Variants in SOX6 observed in about 807,000 individuals in gnomAD.
The protein encoded by SOX6 is transcription factor SOX-6.
SOX6 carries 11 observed loss-of-function variants against 97.8 expected under a neutral mutation model. That is an observed-to-expected ratio of 0.11 (90% CI 0.07 to 0.19). SOX6 has a LOEUF of 0.19. Among genes scored for constraint, SOX6 ranks in the 10% least tolerant of loss-of-function variants. SOX6 has a pLI of 1.00. For missense variants in SOX6, 810 were observed against 1,039.5 expected (o/e 0.78, Z 3.04); for synonymous variants, 360 against 371.4 (o/e 0.97, Z 0.35).
chr11:16,713,935 C>G (rs1848198918), intron 3 of SOX6, among the ~76,000 whole-genome samples: 1 of 152,186 alleles, frequency 6.6e-6, no homozygotes, highest in South Asian at 2.1e-4. Flanking sequence ...ACATGGTGTC[C>G]ATACTCACGA....
intron 4 of SOX6, among the ~76,000 whole-genome samples, chr11:16,204,274 A>T (rs1852013363): frequency 6.6e-6 from 1 of 152,146 alleles, no homozygotes; most frequent in African/African-American, 2.4e-5. Context: ...TTCTAGGCTA[A>T]TATCTGAGAA....
Position 16,186,912 on chromosome 11 carries a change from G to A in SOX6, c.579C>T (p.Thr193=), listed in dbSNP as rs1851495070. 6.2e-7 allele frequency: 1 copy of A among 1,613,844 alleles called. No homozygotes were observed. Among genetic ancestry groups the A allele is most frequent in the Admixed American group, 1.7e-5 (1 of 59,990 alleles). Residue 193 remains threonine, a synonymous_variant, in exon 5 of 16, where the codon ACC becomes ACT. Coordinates refer to ENST00000683767, the MANE Select transcript of SOX6 (RefSeq NM_001367873.1). The part of the protein sequence containing the change: ...SLAEKERQLS[T]MITQLISLRE... Reference sequence around the variant, plus strand: ...GTAAACTGATCAGCTGGGTAATCATGGTGGAGAGCTGCCGTTCTTTTTCTG... The same window carrying A: ...GTAAACTGATCAGCTGGGTAATCATAGTGGAGAGCTGCCGTTCTTTTTCTG...
At chr11:16,678,083 A>G (rs1847898077) in intron 3 of SOX6, among the ~76,000 whole-genome samples, 1 of 152,132 alleles carries the variant, frequency 6.6e-6, no homozygotes, top group East Asian at 1.9e-4. Context: ...AACATTATCA[A>G]TATCAAAGAA....
intron 1 of SOX6, among the ~76,000 whole-genome samples, chr11:16,426,314 A>G (rs919414519): frequency 1.0e-4 from 15 of 149,540 alleles, no homozygotes; most frequent in African/African-American, 3.5e-4. Context: ...TTTAAAATTC[A>G]TATGGAATAA....
intron 3 of SOX6, among the ~76,000 whole-genome samples, chr11:16,265,371 G>C (rs975841610): frequency 2.0e-5 from 3 of 151,792 alleles, no homozygotes; most frequent in Non-Finnish European, 4.4e-5. Flanking sequence ...AGCCTCAGTT[G>C]TGGGGTAAAA....
chr11:16,559,536 C>T (rs376851458), intron 4 of SOX6, among the ~76,000 whole-genome samples: 64 of 151,342 alleles, frequency 4.2e-4, no homozygotes, highest in African/African-American at 1.4e-3. Context: ...TCTTTGGTGC[C>T]AACAAGATAG....
intron 4 of SOX6, among the ~76,000 whole-genome samples, chr11:16,598,969 C>T (rs994897030): frequency 9.9e-5 from 15 of 151,788 alleles, no homozygotes; most frequent in African/African-American, 2.7e-4. Context: ...AAGAGAGAAC[C>T]GAGAGAACAT....
intron 3 of SOX6, among the ~76,000 whole-genome samples, chr11:16,289,256 A>T (rs1180504271): frequency 6.6e-6 from 1 of 151,948 alleles, no homozygotes; most frequent in East Asian, 1.9e-4. Flanking sequence ...TAAAATTAAC[A>T]ATTTCATACA....
chr11:16,498,922 C>A (rs1261127787), intron 4 of SOX6, among the ~76,000 whole-genome samples: 1 of 152,038 alleles, frequency 6.6e-6, no homozygotes, highest in Non-Finnish European at 1.5e-5. Flanking sequence ...TTAACAAGCA[C>A]ATCCAGGAAT....
chr11:16,484,244 GC>G, intron 4 of SOX6: 2 of 988,790 alleles, frequency 2.0e-6, no homozygotes, highest in Non-Finnish European at 3.3e-6. Context: ...CTCCATGGCT[GC>G]CCATGTGTCC....
chr11:16,395,615 T>A (rs570076945), intron 1 of SOX6, among the ~76,000 whole-genome samples: 31 of 151,854 alleles, frequency 2.0e-4, no homozygotes, highest in African/African-American at 7.5e-4. Context: ...GGGGCCAGGG[T>A]CTTTTATGCT....
chr11:16,258,811 C>T (rs1031786277), intron 3 of SOX6, among the ~76,000 whole-genome samples: 12 of 149,668 alleles, frequency 8.0e-5, no homozygotes, highest in African/African-American at 1.7e-4. Flanking sequence ...GAGGGAGGGA[C>T]GGGCTATATA....
chr11:16,627,172 C>T (rs555069801), intron 3 of SOX6, among the ~76,000 whole-genome samples: 1,732 of 152,300 alleles, frequency 0.011, 29 homozygotes, highest in African/African-American at 0.035. Flanking sequence ...TTTATGGCTA[C>T]ATAGTATTCT....
upstream of SOX6, among the ~76,000 whole-genome samples, chr11:16,357,411 CTG>C (rs1423505683): frequency 6.6e-6 from 1 of 152,124 alleles, no homozygotes; most frequent in Non-Finnish European, 1.5e-5. Flanking sequence ...CACTGAAGCT[CTG>C]ATTTACAGAG....
At chr11:16,313,903 T>C (rs535211603) in intron 3 of SOX6, 18 of 152,114 alleles carry the variant, frequency 1.2e-4, no homozygotes, top group African/African-American at 4.1e-4. Flanking sequence ...TCTTAACAAT[T>C]CTATCTCTTA....
chr11:16,720,418 T>C (rs1325072075), intron 2 of SOX6, among the ~76,000 whole-genome samples: 1 of 137,586 alleles, frequency 7.3e-6, no homozygotes, highest in Non-Finnish European at 1.6e-5. Context: ...TTGGAAATCA[T>C]CATTCTCAGT....
At chr11:16,393,239 C>T (rs929902800) in intron 1 of SOX6, among the ~76,000 whole-genome samples, 2 of 151,914 alleles carry the variant, frequency 1.3e-5, no homozygotes, top group Non-Finnish European at 2.9e-5. Context: ...TTCTTTTAAC[C>T]TAAGGGAAGC....
intron 4 of SOX6, among the ~76,000 whole-genome samples, chr11:16,543,244 TC>T (rs539502617): frequency 1.3e-5 from 2 of 152,156 alleles, no homozygotes; most frequent in Non-Finnish European, 2.9e-5. Flanking sequence ...CATGCAACTT[TC>T]TTGGAATACA....
chr11:16,464,627 T>G (rs762175336), intron 1 of SOX6, among the ~76,000 whole-genome samples: 1 of 152,150 alleles, frequency 6.6e-6, no homozygotes, highest in Non-Finnish European at 1.5e-5. Flanking sequence ...CTAATTCACC[T>G]GATTATTTGA....
Sources: allele counts gnomAD v4.1 joint callset (sites outside exome capture counted in the v4.1 genomes callset), GRCh38; gene constraint gnomAD v4.1.1; transcripts MANE v1.5; gene names NCBI Gene and HGNC (gene_info 2026-07-23, HGNC 2026-07-21).